DNAH9: variants seen among roughly 807,000 people sequenced by gnomAD.
DNAH9 encodes the protein DNAH9 variant protein.
A neutral mutation model predicts 471.6 loss-of-function variants in DNAH9; 345 were observed. The ratio of observed to expected loss-of-function variants is 0.73; its 90% CI spans 0.67 to 0.80. The LOEUF (loss-of-function observed/expected upper bound fraction) is 0.80, where lower values mean the gene tolerates loss of function less well. DNAH9 is among the 30% of genes least tolerant of loss of function. The pLI is 0.00. For missense variants in DNAH9, 5,407 were observed against 5,609.2 expected (o/e 0.96, Z 1.15); for synonymous variants, 2,093 against 2,123.6 (o/e 0.99, Z 0.40).
At chr17:11,911,870 G>T (rs7221055) in intron 61 of DNAH9, among the ~76,000 whole-genome samples, 27,234 of 151,912 alleles carry the variant, frequency 0.18, 2,692 homozygotes, top group African/African-American at 0.26. Flanking sequence ...AATTTCAGTT[G>T]CTCTTTACAT....
chr17:11,910,064 G>T (rs1054277740), intron 61 of DNAH9, among the ~76,000 whole-genome samples: 1 of 152,094 alleles, frequency 6.6e-6, no homozygotes, highest in Non-Finnish European at 1.5e-5. Context: ...GACCATCCTG[G>T]CTAACACGGT....
chr17:11,876,441 A>T (rs1597776535), intron 53 of DNAH9, among the ~76,000 whole-genome samples: 1 of 152,248 alleles, frequency 6.6e-6, no homozygotes, highest in East Asian at 1.9e-4. Context: ...GTTTTCAAAG[A>T]AAACAATTTA....
At chr17:11,645,987 C>T (rs2073380378) in intron 11 of DNAH9, among the ~76,000 whole-genome samples, 1 of 150,600 alleles carries the variant, frequency 6.6e-6, no homozygotes, top group Non-Finnish European at 1.5e-5. Flanking sequence ...TCACGCCATT[C>T]TTCTGCCTCA....
intron 10 of DNAH9, 109 bp from the exon 11 acceptor site, chr17:11,644,522 C>G: frequency 1.3e-6 from 1 of 763,814 alleles, no homozygotes; most frequent in East Asian, 2.9e-5. Flanking sequence ...TGTTTGGAAA[C>G]GAGCCAAGGA....
chr17:11,887,567 A>G (rs141663921), intron 57 of DNAH9, among the ~76,000 whole-genome samples: 2 of 152,300 alleles, frequency 1.3e-5, no homozygotes, highest in African/African-American at 4.8e-5. Flanking sequence ...TTTCCCCCCT[A>G]GGGCATTCAC....
intron 6 of DNAH9, among the ~76,000 whole-genome samples, chr17:11,628,952 TA>T (rs2073016974): frequency 6.6e-6 from 1 of 152,190 alleles, no homozygotes; most frequent in South Asian, 2.1e-4. Context: ...AACCAAGAGT[TA>T]TTTTTACCAG....
intron 14 of DNAH9, among the ~76,000 whole-genome samples, chr17:11,663,742 A>G (rs2073816804): frequency 6.6e-6 from 1 of 152,254 alleles, no homozygotes; most frequent in African/African-American, 2.4e-5. Context: ...AGATAGAACA[A>G]TTATACAAAG....
intron 37 of DNAH9, 64 bp from the exon 38 acceptor site, chr17:11,769,058 C>A (rs1195049482): frequency 1.9e-6 from 3 of 1,558,202 alleles, no homozygotes; most frequent in Admixed American, 1.7e-5. Context: ...CTTCGGAACG[C>A]CGCTGGTGCA....
At chr17:11,861,969 T>C (rs113177094) in intron 50 of DNAH9, among the ~76,000 whole-genome samples, 63,217 of 149,826 alleles carry the variant, frequency 0.42, 13,686 homozygotes, top group Non-Finnish European at 0.47. Context: ...CATTTTGTGG[T>C]TTGCCTGTTC....
At chr17:11,945,941 G>GT (rs1358634925) in intron 67 of DNAH9, among the ~76,000 whole-genome samples, 2 of 151,958 alleles carry the variant, frequency 1.3e-5, no homozygotes, top group African/African-American at 4.8e-5. Context: ...TGGGCACCTG[G>GT]TAGTCTCAGC....
rs138632424 is a variant in DNAH9 at position 11,923,799 on chromosome 17, C to T, written c.11750-15C>T. 0.012 allele frequency: 20,058 copies of T among 1,613,132 alleles called. 167 individuals are homozygous for T. Among genetic ancestry groups the T allele is most frequent in the Middle Eastern group, 0.019 (116 of 6,050 alleles). On this transcript the variant is annotated splice_polypyrimidine_tract_variant and intron_variant, in intron 61 of 68. Transcript: ENST00000262442. ...GACACAAGAAATAATAATGACGCCT[C>T]CATCCTCCTTTTAGGAAGAAAACTT...
intron 22 of DNAH9, among the ~76,000 whole-genome samples, chr17:11,695,281 T>C (rs1298648536): frequency 6.6e-6 from 1 of 152,128 alleles, no homozygotes; most frequent in Non-Finnish European, 1.5e-5. Flanking sequence ...TGAGAAACTT[T>C]GAGGATGGCA....
chr17:11,917,103 G>A (rs1029267866), intron 61 of DNAH9, among the ~76,000 whole-genome samples: 4 of 152,056 alleles, frequency 2.6e-5, no homozygotes, highest in African/African-American at 7.2e-5. Flanking sequence ...AGTGGGGAAG[G>A]GGAAAATTCC....
At chr17:11,734,260 A>G (rs1044821185) in intron 28 of DNAH9, among the ~76,000 whole-genome samples, 2 of 152,172 alleles carry the variant, frequency 1.3e-5, no homozygotes, top group Non-Finnish European at 2.9e-5. Flanking sequence ...ACTACGCACA[A>G]TAAAATCGGG....
chr17:11,752,304 C>A (rs935807491), intron 32 of DNAH9, among the ~76,000 whole-genome samples: 1 of 152,192 alleles, frequency 6.6e-6, no homozygotes, highest in South Asian at 2.1e-4. Context: ...TTCATCATGT[C>A]ATAGTTACTT....
intron 48 of DNAH9, among the ~76,000 whole-genome samples, chr17:11,826,054 A>G (rs535064151): frequency 6.6e-6 from 1 of 152,320 alleles, no homozygotes; most frequent in South Asian, 2.1e-4. Flanking sequence ...GGATTTAACC[A>G]GTTTCAGCTG....
chr17:11,925,307 C>T (rs1033914155), intron 62 of DNAH9: 11 of 418,672 alleles, frequency 2.6e-5, no homozygotes, highest in East Asian at 1.5e-4. Flanking sequence ...CCATTCTTCC[C>T]GGCTTTCACT....
Position 11,930,765 on chromosome 17 carries a change from CAAAAAAA to C in DNAH9, c.12105+683_12105+689del, listed in dbSNP as rs11371438. Among the ~76,000 whole-genome samples, 3 of 125,218 alleles carry C rather than the reference CAAAAAAA, an allele frequency of 2.4e-5. No homozygotes were observed. The East Asian group carries it at 7.1e-4, about 29-fold the overall frequency. The allele number at this position is 125,218 out of a possible 152,430, so 82.1% of individuals were successfully genotyped here. A position where few individuals can be genotyped will look rare whatever the true frequency, so the allele number is the denominator to read the frequency against. On this transcript the variant is annotated intron_variant, in intron 63 of 68. Coordinates refer to ENST00000262442, the MANE Select transcript of DNAH9 (RefSeq NM_001372.4). The stretch of plus-strand genomic sequence containing the variant: ...GGGCGACAGAGTGAGACTCCATCTC[CAAAAAAA>C]AAAAAAAAAATTGCAGATTTTTAGG...
chr17:11,916,172 C>T (rs945157938), intron 61 of DNAH9, among the ~76,000 whole-genome samples: 1 of 152,156 alleles, frequency 6.6e-6, no homozygotes, highest in Non-Finnish European at 1.5e-5. Flanking sequence ...TTCATATACC[C>T]TGTTTATGAG....
Sources: gnomAD v4.1 joint callset for allele counts (sites outside exome capture counted in the v4.1 genomes callset) on GRCh38, gnomAD v4.1.1 for gene constraint, MANE v1.5 for transcripts, NCBI Gene and HGNC (gene_info 2026-07-23, HGNC 2026-07-21) for gene names.